ARHGEF26: variants seen among roughly 807,000 people sequenced by gnomAD.
ARHGEF26 encodes Rho guanine nucleotide exchange factor 26, also known as Rho guanine nucleotide exchange factor (GEF) 26.
In ARHGEF26, 59 loss-of-function variants were observed where a neutral mutation model predicts 89.4. That is an observed-to-expected ratio of 0.66 (90% CI 0.54 to 0.82). The LOEUF (loss-of-function observed/expected upper bound fraction) is 0.82, where lower values mean the gene tolerates loss of function less well. Among genes scored for constraint, ARHGEF26 ranks in the 40% least tolerant of loss-of-function variants. The pLI, the probability that ARHGEF26 is intolerant of heterozygous loss-of-function variation, is 0.00. For missense variants in ARHGEF26, 1,234 were observed against 1,085.6 expected, an observed-to-expected ratio of 1.14 and a Z score of -1.92; for synonymous variants, 500 against 428.4, an observed-to-expected ratio of 1.17 and a Z score of -2.06.
intron 11 of ARHGEF26, among the ~76,000 whole-genome samples, chr3:154,235,798 T>C (rs1717090791): frequency 6.6e-6 from 1 of 152,220 alleles, no homozygotes; most frequent in Non-Finnish European, 1.5e-5. Flanking sequence ...CCCAAAGTCC[T>C]TCCACCCTCA....
intron 6 of ARHGEF26, among the ~76,000 whole-genome samples, chr3:154,177,275 A>G (rs912850913): frequency 6.6e-6 from 1 of 152,208 alleles, no homozygotes; most frequent in African/African-American, 2.4e-5. Flanking sequence ...ATTTTGGGAT[A>G]TGAAACATTT....
chr3:154,217,798 G>A, intron 9 of ARHGEF26, 71 bp from the exon 10 acceptor site: 1 of 1,174,502 alleles, frequency 8.5e-7, no homozygotes, highest in Non-Finnish European at 1.2e-6. Flanking sequence ...TATTTCCTGT[G>A]AGAGTTCTGC....
rs1203942989 is a variant in ARHGEF26, at chr3:154,253,331, T to G, written c.2368+148T>G. Reference sequence around the variant, plus strand: ...TCTGCTTTACACCAAAAATGTATGATCCTTGCTTTGGAAGTCAGGGGGTCT... The same window carrying G: ...TCTGCTTTACACCAAAAATGTATGAGCCTTGCTTTGGAAGTCAGGGGGTCT... On this transcript the variant is annotated intron_variant, in intron 13 of 14. Transcript: ENST00000465093. 1.1e-5 allele frequency: 10 copies of G among 870,000 alleles called. No homozygotes were observed. The Admixed American group carries it at 1.4e-4, about 12-fold the overall frequency. 53.9% of individuals were successfully genotyped at this position (870,000 alleles called of 1,614,324 possible). A position where few individuals can be genotyped will look rare whatever the true frequency, so the allele number is the denominator to read the frequency against.
chr3:154,216,433 C>T (rs934604102), intron 9 of ARHGEF26, among the ~76,000 whole-genome samples: 4 of 149,664 alleles, frequency 2.7e-5, no homozygotes, highest in Admixed American at 1.3e-4. Flanking sequence ...GTTGAAGAAT[C>T]CTTCACTGTT....
intron 10 of ARHGEF26, among the ~76,000 whole-genome samples, chr3:154,224,671 A>C (rs1191447005): frequency 6.6e-6 from 1 of 152,156 alleles, no homozygotes; most frequent in Non-Finnish European, 1.5e-5. Context: ...CTGTCTCTGT[A>C]GGGTAATTGT....
chr3:154,237,493 G>C (rs1717186268), intron 11 of ARHGEF26, among the ~76,000 whole-genome samples: 1 of 151,462 alleles, frequency 6.6e-6, no homozygotes, highest in Admixed American at 6.6e-5. Context: ...AGTGAGCTGA[G>C]AGTGCACCAC....
chr3:154,225,959 A>G lies in ARHGEF26; in HGVS notation c.2039A>G (p.Gln680Arg). The change falls in exon 11 of 15, where the codon CAA (glutamine) becomes CGA (arginine). Residue 680 changes from glutamine to arginine, a missense_variant. Coordinates refer to ENST00000465093, the MANE Select transcript of ARHGEF26 (RefSeq NM_015595.4). Reference sequence around the variant, plus strand: ...TTCTCAAGAAGGACATCCAAACAGCAAGTCTACTTCTTTCTCTTTAACGAT... The same window carrying G: ...TTCTCAAGAAGGACATCCAAACAGCGAGTCTACTTCTTTCTCTTTAACGAT... ...VLFSRRTSKQ[Q>R]VYFFLFNDVL... 1 of 1,613,358 alleles carries G rather than the reference A, an allele frequency of 6.2e-7. No homozygotes were observed. Among genetic ancestry groups the G allele is most frequent in the Non-Finnish European group, 8.5e-7 (1 of 1,179,606 alleles).
rs540797106 is a variant in ARHGEF26, at chr3:154,121,522, A to C, written c.-52+3A>C. The C allele has an allele frequency of 6.4e-4, 101 of 158,336 alleles. No homozygotes were observed. In the South Asian group the frequency reaches 0.018, roughly 28 times the overall value. The allele number at this position is 158,336 out of a possible 1,614,324, so 9.8% of individuals were successfully genotyped here. On this transcript the variant is annotated splice_donor_region_variant and intron_variant, in intron 1 of 14. Coordinates refer to ENST00000465093, the MANE Select transcript of ARHGEF26 (RefSeq NM_015595.4). ...CCGGACATTGCAAGCCCCAGAAGGT[A>C]AATTTGCGTGGGAGCCGCGCACCTG...
Position 154,129,711 on chromosome 3 carries a change from C to G in ARHGEF26, c.1261C>G (p.Leu421Val). The G allele has an allele frequency of 6.2e-7, 1 of 1,611,438 alleles. No individual in the cohort carries two copies. Among genetic ancestry groups the G allele is most frequent in the Non-Finnish European group, 8.5e-7 (1 of 1,178,880 alleles). The change falls in exon 4 of 15, where the codon CTC becomes GTC. Residue 421 changes from leucine (L) to valine (V), a missense_variant. Physicochemically the swap from Leu to Val is conservative, Grantham distance 32 (BLOSUM62 1). Transcript: ENST00000465093. ...GCCATTGAGATCCACATGGAGCCAA[C>G]TCTCTGCGGTGAGTGTTTATCTTCT... Reference protein sequence around the residue: ...HKPLRSTWSQLSAVKRKGLSQ... With the variant: ...HKPLRSTWSQVSAVKRKGLSQ...
At chr3:154,228,680 C>G (rs938871765) in intron 11 of ARHGEF26, among the ~76,000 whole-genome samples, 4 of 151,944 alleles carry the variant, frequency 2.6e-5, no homozygotes, top group Non-Finnish European at 5.9e-5. Context: ...GCTTCATAAA[C>G]AGACTTGGTT....
intron 6 of ARHGEF26, among the ~76,000 whole-genome samples, chr3:154,158,417 G>A (rs529160663): frequency 1.4e-3 from 217 of 152,260 alleles, no homozygotes; most frequent in Non-Finnish European, 1.8e-3. Flanking sequence ...TGGGGAGTTA[G>A]AATCCTACTG....
chr3:154,150,149 T>TC (rs1305423009), intron 5 of ARHGEF26, among the ~76,000 whole-genome samples: 5 of 143,342 alleles, frequency 3.5e-5, no homozygotes, highest in African/African-American at 1.3e-4. Flanking sequence ...TTTTTTTTTT[T>TC]TTGGTTGGCA....
In ARHGEF26 at chr3:154,137,413, A is replaced by G. The variant is rs138902228; in HGVS notation, c.1269+7694A>G. ...CTCAGCCTGGAACTTCTTAGCCTCT[A>G]TAACTGTAGGAGATAAATTTCTTTG... On this transcript the variant is annotated intron_variant, in intron 4 of 14. Transcript: ENST00000465093. Among the ~76,000 whole-genome samples the G allele has an allele frequency of 1.9e-4, 29 of 152,294 alleles. No homozygotes were observed. The East Asian group carries it at 5.2e-3, about 27-fold the overall frequency.
chr3:154,151,352 A>G (rs755617489), intron 5 of ARHGEF26, among the ~76,000 whole-genome samples: 1 of 152,176 alleles, frequency 6.6e-6, no homozygotes, highest in Admixed American at 6.5e-5. Flanking sequence ...CAAAACCCTC[A>G]ATTATCACTT....
chr3:154,160,659 A>G (rs1436177618), intron 6 of ARHGEF26, among the ~76,000 whole-genome samples: 1 of 152,024 alleles, frequency 6.6e-6, no homozygotes, highest in Non-Finnish European at 1.5e-5. Flanking sequence ...GAACCTCTGA[A>G]AGGTGGTGCA....
chr3:154,163,206 A>G (rs1711774625), intron 6 of ARHGEF26, among the ~76,000 whole-genome samples: 1 of 152,220 alleles, frequency 6.6e-6, no homozygotes, highest in Non-Finnish European at 1.5e-5. Context: ...TCCTGTAGGA[A>G]CTTAACTTTT....
chr3:154,182,066 A>C (rs939520153), intron 6 of ARHGEF26, among the ~76,000 whole-genome samples: 4 of 151,462 alleles, frequency 2.6e-5, no homozygotes, highest in African/African-American at 7.3e-5. Context: ...TACACACACA[A>C]TATATATATA....
At chr3:154,184,073 C>G (rs376537424) in intron 6 of ARHGEF26, among the ~76,000 whole-genome samples, 1 of 151,026 alleles carries the variant, frequency 6.6e-6, no homozygotes. Flanking sequence ...CCTGGGTTCA[C>G]GCCATTCTCC....
chr3:154,146,833 T>A (rs1719732045), intron 4 of ARHGEF26, among the ~76,000 whole-genome samples: 1 of 152,246 alleles, frequency 6.6e-6, no homozygotes, highest in Admixed American at 6.5e-5. Flanking sequence ...TCATATATTC[T>A]GTTTAAAATT....
Sources: allele counts gnomAD v4.1 joint callset (sites outside exome capture counted in the v4.1 genomes callset), GRCh38; gene constraint gnomAD v4.1.1; transcripts MANE v1.5; gene names NCBI Gene and HGNC (gene_info 2026-07-23, HGNC 2026-07-21).